GLIS1: variants seen among roughly 807,000 people sequenced by gnomAD.
GLIS1 encodes the protein zinc finger protein GLIS1.
In GLIS1, 24 loss-of-function variants were observed where a neutral mutation model predicts 63.8. The observed-to-expected ratio is 0.38, with a 90% CI of 0.27 to 0.53. The LOEUF (loss-of-function observed/expected upper bound fraction) is 0.53. Among genes scored for constraint, GLIS1 ranks in the 20% least tolerant of loss-of-function variants. The probability of loss-of-function intolerance (pLI) is 0.85; values close to 1 mark genes in which losing one functional copy is unlikely to be tolerated. For missense variants in GLIS1, 1,036 were observed against 1,074.1 expected (o/e 0.96, Z 0.50); for synonymous variants, 450 against 482.5 (o/e 0.93, Z 0.88).
chr1:53,708,462 C>T (rs1031237737), intron 2 of GLIS1, among the ~76,000 whole-genome samples: 1 of 151,924 alleles, frequency 6.6e-6, no homozygotes, highest in African/African-American at 2.4e-5. Context: ...ATTATGTCTC[C>T]CCTTTTAATT....
intron 4 of GLIS1, among the ~76,000 whole-genome samples, chr1:53,562,628 C>T (rs1272620618): frequency 6.6e-6 from 1 of 152,194 alleles, no homozygotes; most frequent in African/African-American, 2.4e-5. Flanking sequence ...GGCAGGCATC[C>T]CATCCCCTTA....
chr1:53,605,601 C>A (rs1645362010), intron 2 of GLIS1, among the ~76,000 whole-genome samples: 1 of 152,198 alleles, frequency 6.6e-6, no homozygotes, highest in African/African-American at 2.4e-5. Context: ...GCTTTCGGTG[C>A]AATGAAAGTC....
intron 2 of GLIS1, among the ~76,000 whole-genome samples, chr1:53,637,527 G>A (rs951812769): frequency 7.9e-5 from 12 of 152,156 alleles, no homozygotes; most frequent in Non-Finnish European, 1.2e-4. Context: ...CCACACCCGA[G>A]GTTCAAGAAT....
At chr1:53,725,074 A>G (rs1646792414) in intron 2 of GLIS1, among the ~76,000 whole-genome samples, 1 of 152,116 alleles carries the variant, frequency 6.6e-6, no homozygotes, top group African/African-American at 2.4e-5. Flanking sequence ...GAATGGGAAG[A>G]GTGGGGAGGG....
chr1:53,551,161 G>A (rs1250792213), intron 4 of GLIS1, among the ~76,000 whole-genome samples: 1 of 152,162 alleles, frequency 6.6e-6, no homozygotes, highest in Non-Finnish European at 1.5e-5. Context: ...ATTTTTTAAA[G>A]GATCCCCCGT....
At position 53,534,742 on chromosome 1, in the gene GLIS1, C is replaced by T. The variant is rs1644565793; in HGVS notation, c.1321-4790G>A. ...TCTGCGAGTCACTCACTCATCCTCT[C>T]CTCTTTGAGCACACAGGTTCTTATC... On this transcript the variant is annotated intron_variant, in intron 4 of 10. Coordinates refer to ENST00000628545, the MANE Select transcript of GLIS1 (RefSeq NM_001367484.1). 1.3e-5 allele frequency among the ~76,000 whole-genome samples: 2 copies of T among 150,978 alleles called. 1 individual carries two copies. Among genetic ancestry groups the T allele is most frequent in the African/African-American group, 4.9e-5 (2 of 40,982 alleles).
At chr1:53,617,797 C>T (rs1645498226) in intron 2 of GLIS1, among the ~76,000 whole-genome samples, 1 of 152,142 alleles carries the variant, frequency 6.6e-6, no homozygotes, top group Admixed American at 6.6e-5. Flanking sequence ...CAAAGAAGGC[C>T]CTGTTAAGAA....
chr1:53,649,337 C>T (rs767569888), intron 2 of GLIS1, among the ~76,000 whole-genome samples: 20 of 152,124 alleles, frequency 1.3e-4, no homozygotes, highest in Non-Finnish European at 2.2e-4. Context: ...ATGTTCTGTA[C>T]GACTGCAGCT....
intron 4 of GLIS1, among the ~76,000 whole-genome samples, chr1:53,531,045 G>T (rs542238): frequency 0.75 from 113,455 of 152,156 alleles, 43,846 homozygotes; most frequent in Middle Eastern, 0.88. Context: ...GTGGTCAAGT[G>T]ACCTGCCCAA....
chr1:53,705,867 G>C (rs17109175), intron 2 of GLIS1, among the ~76,000 whole-genome samples: 2 of 152,118 alleles, frequency 1.3e-5, no homozygotes, highest in Non-Finnish European at 2.9e-5. Flanking sequence ...CAATGCTCCC[G>C]GGAAGTCCGA....
chr1:53,614,916 ACACT>A (rs1645464720), intron 2 of GLIS1, among the ~76,000 whole-genome samples: 1 of 152,066 alleles, frequency 6.6e-6, no homozygotes, highest in Non-Finnish European at 1.5e-5. Context: ...ACACTCACAC[ACACT>A]CTCACACACA....
At chr1:53,536,683 C>T (rs529350774) in intron 4 of GLIS1, among the ~76,000 whole-genome samples, 9 of 152,246 alleles carry the variant, frequency 5.9e-5, no homozygotes, top group Admixed American at 4.6e-4. Context: ...GCCTCAGGGA[C>T]TCCTACCTAA....
intron 4 of GLIS1, among the ~76,000 whole-genome samples, chr1:53,541,765 T>A (rs1328038743): frequency 6.6e-6 from 1 of 152,252 alleles, no homozygotes; most frequent in African/African-American, 2.4e-5. Flanking sequence ...TTCCCTGGCA[T>A]CACAGCAGCC....
intron 7 of GLIS1, among the ~76,000 whole-genome samples, chr1:53,519,378 G>A (rs1175471903): frequency 2.6e-5 from 4 of 152,228 alleles, no homozygotes; most frequent in African/African-American, 9.6e-5. Context: ...TTTGGCAAGT[G>A]CTTTGATATA....
chr1:53,594,130 C>T lies in GLIS1; in HGVS notation c.1298G>A (p.Gly433Asp). ...KLLIHMRVHS[G>D]EKPNKCMFEG... is the part of the protein sequence containing the mutation. ...CACCATGCACTTGTTGGGCTTCTCGCCCGAGTGCACTCGCATGTGGATGAG... is the reference window on the plus strand; with the variant it reads ...CACCATGCACTTGTTGGGCTTCTCGTCCGAGTGCACTCGCATGTGGATGAG... Residue 433 changes from glycine (G) to aspartate (D), a missense_variant, in exon 4 of 11, where the codon GGC becomes GAC. Physicochemically the swap from Gly to Asp is moderately conservative, Grantham distance 94 (BLOSUM62 -1). Transcript: ENST00000628545. 1 of 1,611,596 alleles carries T rather than the reference C, an allele frequency of 6.2e-7. No individual in the cohort carries two copies. Among genetic ancestry groups the T allele is most frequent in the Non-Finnish European group, 8.5e-7 (1 of 1,178,180 alleles).
At chr1:53,668,813 GACA>G (rs765711031) in intron 2 of GLIS1, among the ~76,000 whole-genome samples, 4 of 152,116 alleles carry the variant, frequency 2.6e-5, no homozygotes, top group Non-Finnish European at 4.4e-5. Context: ...GTGATATTCA[GACA>G]ACAACAAAAT....
At chr1:53,507,992 C>T (rs993959061) in intron 10 of GLIS1, among the ~76,000 whole-genome samples, 3 of 151,862 alleles carry the variant, frequency 2.0e-5, no homozygotes, top group South Asian at 2.1e-4. Context: ...GTCTATCCCG[C>T]GTGGACACGG....
chr1:53,540,558 A>G (rs1188142249), intron 4 of GLIS1, among the ~76,000 whole-genome samples: 1 of 152,168 alleles, frequency 6.6e-6, no homozygotes, highest in East Asian at 1.9e-4. Flanking sequence ...ACAGGTGCTC[A>G]GTAACATTAG....
intron 4 of GLIS1, among the ~76,000 whole-genome samples, chr1:53,589,645 T>C (rs11206175): frequency 0.25 from 38,715 of 151,890 alleles, 5,679 homozygotes; most frequent in South Asian, 0.35. Context: ...TGGCAAACAG[T>C]GGAGAGGGGC....
Sources: allele counts gnomAD v4.1 joint callset (sites outside exome capture counted in the v4.1 genomes callset), GRCh38; gene constraint gnomAD v4.1.1; transcripts MANE v1.5; gene names NCBI Gene and HGNC (gene_info 2026-07-23, HGNC 2026-07-21).